The following NCOR1 variants were observed in gnomAD, a reference collection of about 807,000 sequenced individuals.
The protein encoded by NCOR1 is protein phosphatase 1, regulatory subunit 109.
A neutral mutation model predicts 288.1 loss-of-function variants in NCOR1; 63 were observed. The observed-to-expected ratio is 0.22, with a 90% CI of 0.18 to 0.27. The LOEUF (loss-of-function observed/expected upper bound fraction) is 0.27. Ranked by LOEUF, NCOR1 falls within the 10% of genes least tolerant of loss-of-function variation. The pLI, the probability that NCOR1 is intolerant of heterozygous loss-of-function variation, is 1.00. For missense variants in NCOR1, 2,397 were observed against 3,019.2 expected (o/e 0.79, Z 4.83); for synonymous variants, 1,007 against 1,065.9 (o/e 0.94, Z 1.08).
intron 11 of NCOR1, among the ~76,000 whole-genome samples, chr17:16,140,487 G>A (rs1294953555): frequency 6.6e-6 from 1 of 152,076 alleles, no homozygotes; most frequent in Non-Finnish European, 1.5e-5. Context: ...AGTATAGTGA[G>A]ACCCCATCTC....
At chr17:16,199,198 C>A (rs2090376099) in intron 1 of NCOR1, among the ~76,000 whole-genome samples, 2 of 89,420 alleles carry the variant, frequency 2.2e-5, no homozygotes, top group African/African-American at 3.9e-5. Context: ...CCGCCCAATA[C>A]AGAAGGAAAA....
At chr17:16,069,469 G>T (rs2061497064) in intron 31 of NCOR1, among the ~76,000 whole-genome samples, 1 of 152,142 alleles carries the variant, frequency 6.6e-6, no homozygotes, top group Admixed American at 6.6e-5. Context: ...ATAAAAAATG[G>T]TAAGTGGATG....
intron 1 of NCOR1, among the ~76,000 whole-genome samples, chr17:16,205,982 G>A (rs1359080670): frequency 6.7e-6 from 1 of 149,710 alleles, no homozygotes; most frequent in East Asian, 1.9e-4. Context: ...TCTCCCCATA[G>A]TAAAAAATGT....
At chr17:16,148,474 TG>T (rs2153361780) in intron 9 of NCOR1, among the ~76,000 whole-genome samples, 1 of 152,208 alleles carries the variant, frequency 6.6e-6, no homozygotes, top group South Asian at 2.1e-4. Flanking sequence ...TGCTCACCTT[TG>T]CAGAATAATA....
intron 15 of NCOR1, among the ~76,000 whole-genome samples, 179 bp downstream of exon 15, chr17:16,125,903 G>T (rs1209859120): frequency 6.6e-6 from 1 of 151,998 alleles, no homozygotes; most frequent in Non-Finnish European, 1.5e-5. Flanking sequence ...GAGGGTGCGA[G>T]GGGGTGGGTG....
chr17:16,055,484 C>A (rs967454921), intron 40 of NCOR1, among the ~76,000 whole-genome samples: 5 of 152,088 alleles, frequency 3.3e-5, no homozygotes, highest in Non-Finnish European at 7.4e-5. Flanking sequence ...TGAGAACACA[C>A]GGACACATGG....
intron 2 of NCOR1, among the ~76,000 whole-genome samples, chr17:16,188,622 A>T (rs574797164): frequency 2.6e-4 from 39 of 151,644 alleles, no homozygotes; most frequent in Middle Eastern, 3.4e-3. Context: ...AAAAAAAAAA[A>T]TTTTTTTTTC....
intron 22 of NCOR1, chr17:16,087,025 C>A (rs1333757647): frequency 2.0e-6 from 1 of 510,702 alleles, no homozygotes; most frequent in African/African-American, 2.0e-5. Flanking sequence ...CTAAATACAA[C>A]TGATGATGGA....
At chr17:16,183,093 T>A (rs178824) in intron 3 of NCOR1, among the ~76,000 whole-genome samples, 80,280 of 151,080 alleles carry the variant, frequency 0.53, 21,709 homozygotes, top group Middle Eastern at 0.62. Flanking sequence ...AATAGGGAAA[T>A]ACTGAAAGAT....
intron 26 of NCOR1, among the ~76,000 whole-genome samples, chr17:16,077,030 T>C (rs2062564560): frequency 6.6e-6 from 1 of 152,182 alleles, no homozygotes; most frequent in South Asian, 2.1e-4. Context: ...CACATTCACC[T>C]GACCTCTCTC....
intron 14 of NCOR1, among the ~76,000 whole-genome samples, chr17:16,127,236 CATATATGTATGTATATATGTGTGTGT>C (rs1481672990): frequency 2.6e-5 from 3 of 116,724 alleles, no homozygotes; most frequent in African/African-American, 1.1e-4. Context: ...TACATGTATG[CATATATGTATGTATATATGTGTGTGT>C]ATATATGTAT....
At chr17:16,038,602 A>G (rs896795973) in intron 44 of NCOR1, among the ~76,000 whole-genome samples, 2 of 151,914 alleles carry the variant, frequency 1.3e-5, no homozygotes, top group South Asian at 2.1e-4. Context: ...ACACCCAGCT[A>G]ATTTTTGTAA....
At position 16,061,846 on chromosome 17, in the gene NCOR1, G is replaced by A. The variant is rs766843493; in HGVS notation, c.5436C>T (p.Ser1812=). 1 of 1,613,794 alleles carries A rather than the reference G, an allele frequency of 6.2e-7. No individual in the cohort carries two copies. Among genetic ancestry groups the A allele is most frequent in the Non-Finnish European group, 8.5e-7 (1 of 1,179,880 alleles). The change falls in exon 37 of 46, where the codon TCC becomes TCT. Residue 1812 remains serine, a synonymous_variant. Coordinates refer to ENST00000268712, the MANE Select transcript of NCOR1 (RefSeq NM_006311.4). ...GGGCATCCGCAGCAGTGTTGTAACG[G>A]GAGGCTGGCAGGCCTTGGCTTATTG... ...GPSISQGLPA[S]RYNTAADALA...
At chr17:16,038,692 C>T (rs1455418038) in intron 44 of NCOR1, among the ~76,000 whole-genome samples, 1 of 152,110 alleles carries the variant, frequency 6.6e-6, no homozygotes, top group African/African-American at 2.4e-5. Flanking sequence ...CCCAACTTAC[C>T]CTCCCAAAGT....
rs2078014917 is a variant in NCOR1, at chr17:16,146,484, A to G, written c.974T>C (p.Ile325Thr). 3.7e-6 allele frequency: 6 copies of G among 1,613,612 alleles called. No homozygotes were observed. Among genetic ancestry groups the G allele is most frequent in the Non-Finnish European group, 2.5e-6 (3 of 1,179,846 alleles). Reference protein sequence around the residue: ...MEAWEKKVDRIENNPRRKAKE... With the variant: ...MEAWEKKVDRTENNPRRKAKE... ...AGCTTTCCTCCGAGGATTATTTTCT[A>G]TTCTGTCCACTTTTTTCTCCCATGC... Residue 325 changes from isoleucine to threonine, a missense_variant, in exon 10 of 46, where the codon ATA becomes ACA. Physicochemically the swap from Ile to Thr is moderately conservative, Grantham distance 89. Around this residue, in one of 11 missense-constraint regions of NCOR1, gnomAD observed 51 missense variants for 127.6 expected, o/e 0.40. Coordinates refer to ENST00000268712, the MANE Select transcript of NCOR1 (RefSeq NM_006311.4).
At chr17:16,064,681 A>G (rs1432533657) in intron 34 of NCOR1, among the ~76,000 whole-genome samples, 189 bp downstream of exon 34, 1 of 152,238 alleles carries the variant, frequency 6.6e-6, no homozygotes, top group Non-Finnish European at 1.5e-5. Flanking sequence ...GAACTGAAGC[A>G]TAACATAAGC....
intron 15 of NCOR1, among the ~76,000 whole-genome samples, chr17:16,123,645 T>A (rs1410489743): frequency 6.6e-6 from 1 of 152,234 alleles, no homozygotes; most frequent in Non-Finnish European, 1.5e-5. Flanking sequence ...CACACTATGT[T>A]AAGTCTAATG....
chr17:16,086,178 ATTATTAT>A, intron 23 of NCOR1, 97 bp downstream of exon 23: 1 of 1,221,426 alleles, frequency 8.2e-7, no homozygotes, highest in East Asian at 2.3e-5. Context: ...ATTCAGACAG[ATTATTAT>A]TTATTACAAC....
rs753065903 is a variant in NCOR1, at chr17:16,172,000, T to C, written c.243-5A>G. ...CTAGTTCTCCTTTCTTGAGGCCTAATACATACAAAGAAAATAAACACTTGA... is the reference window on the plus strand; with the variant it reads ...CTAGTTCTCCTTTCTTGAGGCCTAACACATACAAAGAAAATAAACACTTGA... On this transcript the variant is annotated splice_region_variant and splice_polypyrimidine_tract_variant and intron_variant, in intron 3 of 45. Coordinates refer to ENST00000268712, the MANE Select transcript of NCOR1 (RefSeq NM_006311.4). 28 of 1,538,082 alleles carry C rather than the reference T, an allele frequency of 1.8e-5. No homozygotes were observed. The highest frequency in any genetic ancestry group is 2.3e-5 in the Non-Finnish European group (26 of 1,142,282).
Sources: allele counts gnomAD v4.1 joint callset (sites outside exome capture counted in the v4.1 genomes callset), GRCh38; gene constraint gnomAD v4.1.1; regional missense constraint gnomAD v4.1.1; transcripts MANE v1.5; gene names NCBI Gene and HGNC (gene_info 2026-07-23, HGNC 2026-07-21).